Variants in DYNC1H1 observed in about 807,000 individuals in gnomAD.
DYNC1H1 encodes dynein cytoplasmic 1 heavy chain 1, also known as cytoplasmic dynein 1 heavy chain 1.
In DYNC1H1, 51 loss-of-function variants were observed where a neutral mutation model predicts 527.1. The ratio of observed to expected loss-of-function variants is 0.10; its 90% CI spans 0.08 to 0.12. DYNC1H1 has a LOEUF of 0.12. Ranked by LOEUF, DYNC1H1 falls within the 10% of genes least tolerant of loss-of-function variation. DYNC1H1 has a pLI of 1.00. For synonymous variants in DYNC1H1, 2,189 were observed against 2,278.8 expected, an observed-to-expected ratio of 0.96 and a Z score of 1.12; for missense variants, 2,771 against 5,971.8, an observed-to-expected ratio of 0.46 and a Z score of 17.66.
At position 102,039,643 on chromosome 14, in the gene DYNC1H1, G is replaced by C; in HGVS notation, c.11601G>C (p.Ala3867=). 1.2e-6 allele frequency: 2 copies of C among 1,614,132 alleles called. No homozygotes were observed. Among genetic ancestry groups the C allele is most frequent in the South Asian group, 2.2e-5 (2 of 91,086 alleles). ...SIITKDLFQV[A]FNRVARGMLH... is the part of the protein sequence containing the mutation. ...GTCTCCTGCTCTTGTCCCAGGTGGC[G>C]TTTAACCGAGTGGCTCGAGGCATGC... is the stretch of plus-strand genomic sequence containing the variant. The change falls in exon 62 of 78, where the codon GCG becomes GCC. Residue 3867 remains alanine (A), a synonymous_variant. Coordinates refer to ENST00000360184, the MANE Select transcript of DYNC1H1 (RefSeq NM_001376.5). The surrounding 1 kb of genome is among the most constrained non-coding windows in gnomAD (Gnocchi z 7.0).
intron 43 of DYNC1H1, chr14:102,023,608 G>T (rs2152586955): frequency 6.4e-6 from 1 of 156,590 alleles, no homozygotes; most frequent in East Asian, 1.9e-4. Context: ...CAGCACTTTG[G>T]GAGGCCAAGG....
At chr14:101,976,741 C>T (rs1008702899) in intron 2 of DYNC1H1, among the ~76,000 whole-genome samples, 1 of 152,130 alleles carries the variant, frequency 6.6e-6, no homozygotes, top group Admixed American at 6.5e-5. Flanking sequence ...TGATGCTACT[C>T]TCAGGTTACA....
intron 43 of DYNC1H1, 73 bp from the exon 44 acceptor site, chr14:102,026,501 A>T (rs995870331): frequency 6.8e-5 from 104 of 1,521,212 alleles, no homozygotes; most frequent in Admixed American, 1.9e-4. Context: ...TGGTATGTGG[A>T]CATACAGTTG....
At chr14:102,046,157 G>C (rs1595634654) in intron 72 of DYNC1H1, among the ~76,000 whole-genome samples, 1 of 149,582 alleles carries the variant, frequency 6.7e-6, no homozygotes, top group African/African-American at 2.5e-5. Flanking sequence ...GACAGAGCAA[G>C]ACTTTGTCTC....
At chr14:102,047,641 G>GTATATATATATATATATATA (rs71116874) in intron 72 of DYNC1H1, 176 bp from the exon 73 acceptor site, 226 of 316,648 alleles carry the variant, frequency 7.1e-4, no homozygotes, top group African/African-American at 3.7e-3. Flanking sequence ...GTGTGTGTGT[G>GTATATATATATATATATATA]TATATATATA....
rs1395029019 is a variant in DYNC1H1, at chr14:102,049,150, T to TA, written c.13373-289dup. 2 of 493,312 alleles carry TA rather than the reference T, an allele frequency of 4.1e-6. No homozygotes were observed. Among genetic ancestry groups the TA allele is most frequent in the Admixed American group, 6.6e-5 (2 of 30,522 alleles). 30.6% of individuals were successfully genotyped at this position (493,312 alleles called of 1,614,324 possible). On this transcript the variant is annotated intron_variant, in intron 74 of 77. Coordinates refer to ENST00000360184, the MANE Select transcript of DYNC1H1 (RefSeq NM_001376.5). The surrounding 1 kb of genome is among the most constrained non-coding windows in gnomAD (Gnocchi z 5.5). ...GAGCCACTTGTGTGACATGAGGTTT[T>TA]AGCCGCGGTTTTGCTTGGATGTGAT...
At chr14:101,977,599 T>A (rs766473473) in intron 2 of DYNC1H1, among the ~76,000 whole-genome samples, 2 of 152,222 alleles carry the variant, frequency 1.3e-5, no homozygotes, top group African/African-American at 2.4e-5. Context: ...CTCAATGATG[T>A]CCCTTATACT....
At position 102,033,010 on chromosome 14, in the gene DYNC1H1, ACT is replaced by A; in HGVS notation, c.10080-52_10080-51del. 5 of 1,563,320 alleles carry A rather than the reference ACT, an allele frequency of 3.2e-6. No homozygotes were observed. The highest frequency in any genetic ancestry group is 4.4e-6 in the Non-Finnish European group (5 of 1,134,926). On this transcript the variant is annotated intron_variant, in intron 52 of 77. Transcript: ENST00000360184. The surrounding 1 kb of genome is among the most constrained non-coding windows in gnomAD (Gnocchi z 5.6). ...TCTCTTCCATTTTAATTTTATGAAA[ACT>A]CTTCCTTGCTTTTGTCCTGCATGTG...
rs1341754491 is a variant in DYNC1H1, at chr14:102,051,823, G to C, written c.*1260G>C. 2.6e-5 allele frequency: 4 copies of C among 151,840 alleles called. No individual in the cohort carries two copies. Among genetic ancestry groups the C allele is most frequent in the Non-Finnish European group, 5.9e-5 (4 of 68,074 alleles). 9.4% of individuals were successfully genotyped at this position (151,840 alleles called of 1,614,324 possible). A position where few individuals can be genotyped will look rare whatever the true frequency, so the allele number is the denominator to read the frequency against. On this transcript the variant is annotated 3_prime_UTR_variant, in exon 78 of 78. Coordinates refer to ENST00000360184, the MANE Select transcript of DYNC1H1 (RefSeq NM_001376.5). ...CCTGCCTCGGCCTCCTGAATAGCTG[G>C]GATTACAGGCATGCACCACCATGCC...
At position 102,044,110 on chromosome 14, in the gene DYNC1H1, G is replaced by A; in HGVS notation, c.12684+65G>A. 1 of 1,601,618 alleles carries A rather than the reference G, an allele frequency of 6.2e-7. No individual in the cohort carries two copies. The highest frequency in any genetic ancestry group is 8.5e-7 in the Non-Finnish European group (1 of 1,177,164). ...TCTGGGAAGGATGCTGCAGGGCGTG[G>A]TGCTGAGAGGCCAGACTCTGCGTGG... On this transcript the variant is annotated intron_variant, in intron 70 of 77. Coordinates refer to ENST00000360184, the MANE Select transcript of DYNC1H1 (RefSeq NM_001376.5). The surrounding 1 kb of genome is among the most constrained non-coding windows in gnomAD (Gnocchi z 7.1).
Position 101,983,685 on chromosome 14 carries a change from TG to T in DYNC1H1, c.1461+77del, listed in dbSNP as rs1566998003. The T allele has an allele frequency of 1.4e-4, 214 of 1,496,172 alleles. No individual in the cohort carries two copies. Among genetic ancestry groups the T allele is most frequent in the African/African-American group, 7.0e-4 (49 of 69,674 alleles). 92.7% of individuals were successfully genotyped at this position (1,496,172 alleles called of 1,614,324 possible). ...TTTTTGTTTGGTGTTTTTTTTTTGT[TG>T]TTGTTGTTGAGATGAAGTTTCACTC... is the stretch of plus-strand genomic sequence containing the variant. On this transcript the variant is annotated intron_variant, in intron 7 of 77. Transcript: ENST00000360184. The surrounding 1 kb of genome is among the most constrained non-coding windows in gnomAD (Gnocchi z 5.3).
chr14:102,032,993 A>G, intron 52 of DYNC1H1, 72 bp from the exon 53 acceptor site: 1 of 1,507,256 alleles, frequency 6.6e-7, no homozygotes, highest in Non-Finnish European at 9.2e-7. Flanking sequence ...GGTCTCTTCC[A>G]TTTTAATTTT....
intron 10 of DYNC1H1, 99 bp downstream of exon 10, chr14:101,988,951 G>A: frequency 6.7e-7 from 1 of 1,499,640 alleles, no homozygotes; most frequent in Non-Finnish European, 9.1e-7. Context: ...TGGACACCTG[G>A]CAGATGCCAC....
At chr14:101,966,273 G>C (rs933126939) in intron 1 of DYNC1H1, among the ~76,000 whole-genome samples, 1 of 152,206 alleles carries the variant, frequency 6.6e-6, no homozygotes, top group South Asian at 2.1e-4. Context: ...GGGTGTAAAA[G>C]AATATTTTTT....
Position 102,029,785 on chromosome 14 carries a change from T to C in DYNC1H1, c.9643-34T>C. 1 of 1,614,212 alleles carries C rather than the reference T, an allele frequency of 6.2e-7. No homozygotes were observed. Among genetic ancestry groups the C allele is most frequent in the South Asian group, 1.1e-5 (1 of 91,080 alleles). ...CCCCTTTCCATATAATTTCTGCATG[T>C]TTCTCGTCTCTGAGTGTGGGCTTTG... is the stretch of plus-strand genomic sequence containing the variant. On this transcript the variant is annotated intron_variant, in intron 49 of 77. Coordinates refer to ENST00000360184, the MANE Select transcript of DYNC1H1 (RefSeq NM_001376.5). This position sits in a 1 kb window ranked among gnomAD's most constrained non-coding sequence, Gnocchi z 5.3.
intron 1 of DYNC1H1, among the ~76,000 whole-genome samples, chr14:101,975,207 T>C (rs2047787070): frequency 6.6e-6 from 1 of 152,192 alleles, no homozygotes; most frequent in Admixed American, 6.5e-5. Context: ...AAAACAAGGA[T>C]AATAATAGTC....
chr14:102,027,333 T>C lies in DYNC1H1; in HGVS notation c.8886+45T>C. ...TCTTAATCCCAGCAACAGATGTGTG[T>C]GCAGAGCTCAGTGAGTAGGAATGGA... is the stretch of plus-strand genomic sequence containing the variant. On this transcript the variant is annotated intron_variant, in intron 45 of 77. Transcript: ENST00000360184. The surrounding 1 kb of genome is among the most constrained non-coding windows in gnomAD (Gnocchi z 7.7). The C allele has an allele frequency of 1.9e-6, 3 of 1,614,178 alleles. No individual in the cohort carries two copies. The highest frequency in any genetic ancestry group is 2.5e-6 in the Non-Finnish European group (3 of 1,180,032).
In DYNC1H1 at chr14:102,043,140, A is replaced by G. The variant is rs1182568515; in HGVS notation, c.12513+392A>G. ...CTACTAAAAATATAAAAAATTAGCC[A>G]GGCGTGGTGGCGTGCGCCTATAATC... is the stretch of plus-strand genomic sequence containing the variant. On this transcript the variant is annotated intron_variant, in intron 69 of 77. Transcript: ENST00000360184. 3 of 333,524 alleles carry G rather than the reference A, an allele frequency of 9.0e-6. No individual in the cohort carries two copies. In the East Asian group the frequency reaches 2.4e-4, roughly 26 times the overall value. 20.7% of individuals were successfully genotyped at this position (333,524 alleles called of 1,614,324 possible). A position where few individuals can be genotyped will look rare whatever the true frequency, so the allele number is the denominator to read the frequency against.
At chr14:101,975,578 A>C in intron 1 of DYNC1H1, 134 bp from the exon 2 acceptor site, 1 of 809,910 alleles carries the variant, frequency 1.2e-6, no homozygotes. Context: ...TAGGAAGGGA[A>C]AAATAGTGCC....
Sources: gnomAD v4.1 joint callset for allele counts (sites outside exome capture counted in the v4.1 genomes callset) on GRCh38, gnomAD v4.1.1 for gene constraint, Gnocchi (gnomAD v3.1) non-coding constraint, MANE v1.5 for transcripts, NCBI Gene and HGNC (gene_info 2026-07-23, HGNC 2026-07-21) for gene names.